CFAP77: variants seen among roughly 807,000 people sequenced by gnomAD.
CFAP77 encodes the protein cilia and flagella associated protein 77, also known as cilia- and flagella-associated protein 77.
CFAP77 carries 25 observed loss-of-function variants against 31.1 expected under a neutral mutation model. The ratio of observed to expected loss-of-function variants is 0.80; its 90% confidence interval spans 0.59 to 1.12. The LOEUF is 1.12. Ranked by LOEUF, CFAP77 falls within the 50% of genes most tolerant of loss-of-function variation. The pLI is 0.00. For synonymous variants in CFAP77, 151 were observed against 159.9 expected (o/e 0.94, Z 0.42); for missense variants, 377 against 397.3 (o/e 0.95, Z 0.44).
chr9:132,562,193 T>C (rs1829823027), intron 5 of CFAP77, among the ~76,000 whole-genome samples: 1 of 152,218 alleles, frequency 6.6e-6, no homozygotes, highest in Non-Finnish European at 1.5e-5. Context: ...CTTTCTAAAC[T>C]GTGTGTGGCA....
At chr9:132,449,547 A>G (rs1197202500) in intron 1 of CFAP77, among the ~76,000 whole-genome samples, 1 of 151,898 alleles carries the variant, frequency 6.6e-6, no homozygotes, top group Non-Finnish European at 1.5e-5. Flanking sequence ...GAAGTTTTCC[A>G]TCATATGGGC....
chr9:132,569,728 C>CTTTTTTTTTT (rs558402201), intron 5 of CFAP77, among the ~76,000 whole-genome samples: 1 of 98,474 alleles, frequency 1.0e-5, no homozygotes, highest in Non-Finnish European at 1.9e-5. Context: ...TCTAGCTGCC[C>CTTTTTTTTTT]TTTTTTTTTT....
chr9:132,466,992 A>G (rs1380392583), intron 1 of CFAP77, among the ~76,000 whole-genome samples: 2 of 152,176 alleles, frequency 1.3e-5, no homozygotes, highest in African/African-American at 4.8e-5. Context: ...AGCCCGGACA[A>G]CATGGTGAAA....
chr9:132,571,355 C>T (rs911369112), intron 5 of CFAP77, among the ~76,000 whole-genome samples: 4 of 152,138 alleles, frequency 2.6e-5, no homozygotes, highest in African/African-American at 4.8e-5. Flanking sequence ...CCCAACCCAT[C>T]CTTCGAGACC....
intron 1 of CFAP77, among the ~76,000 whole-genome samples, chr9:132,447,696 G>A (rs755937624): frequency 2.0e-5 from 3 of 152,354 alleles, no homozygotes; most frequent in Admixed American, 6.5e-5. Flanking sequence ...AGCGGCAAAC[G>A]CGGGGACTTC....
intron 1 of CFAP77, among the ~76,000 whole-genome samples, chr9:132,458,875 G>GA (rs1305190355): frequency 6.6e-6 from 1 of 152,042 alleles, no homozygotes; most frequent in African/African-American, 2.4e-5. Context: ...ATAAAAGGGT[G>GA]AAAAAAGCAT....
intron 1 of CFAP77, among the ~76,000 whole-genome samples, chr9:132,437,572 C>T (rs1192960925): frequency 2.8e-5 from 4 of 145,426 alleles, no homozygotes; most frequent in Admixed American, 7.0e-5. Context: ...AGCAGTGACG[C>T]GATCTCGGCT....
intron 1 of CFAP77, among the ~76,000 whole-genome samples, chr9:132,412,056 C>T (rs1391896993): frequency 6.6e-6 from 1 of 152,232 alleles, no homozygotes; most frequent in Non-Finnish European, 1.5e-5. Context: ...TCCCCCGCCC[C>T]ACCCAGCTAT....
chr9:132,418,416 C>T (rs1376862993), intron 1 of CFAP77, among the ~76,000 whole-genome samples: 5 of 152,210 alleles, frequency 3.3e-5, no homozygotes, highest in Non-Finnish European at 7.4e-5. Context: ...ATAAAGGAGA[C>T]GTGGGAACTT....
intron 4 of CFAP77, among the ~76,000 whole-genome samples, chr9:132,542,353 T>C (rs911901511): frequency 6.6e-6 from 1 of 152,344 alleles, no homozygotes. Flanking sequence ...TTACGAGCTA[T>C]GTGGCTCTAA....
In CFAP77 at chr9:132,417,891, C is replaced by CT. The variant is rs1850133707; in HGVS notation, c.195+7427dup. Among the ~76,000 whole-genome samples the CT allele has an allele frequency of 7.9e-5, 12 of 152,314 alleles. No individual in the cohort carries two copies. The South Asian group carries it at 1.7e-3, about 21-fold the overall frequency. On this transcript the variant is annotated intron_variant, in intron 1 of 5. Coordinates refer to ENST00000393216, the MANE Select transcript of CFAP77 (RefSeq NM_001282957.2). ...CCACCCAAGTGCTTACATTTTCCCC[C>CT]TTCTGCTCTCACTGAAAAATACTGT...
intron 1 of CFAP77, among the ~76,000 whole-genome samples, chr9:132,417,734 G>A (rs1449533114): frequency 1.3e-5 from 2 of 152,194 alleles, no homozygotes; most frequent in East Asian, 1.9e-4. Flanking sequence ...TAATAAGTGA[G>A]CATTTTGTTA....
intron 3 of CFAP77, among the ~76,000 whole-genome samples, chr9:132,514,727 G>C (rs751376969): frequency 1.3e-5 from 2 of 152,312 alleles, no homozygotes; most frequent in African/African-American, 4.8e-5. Flanking sequence ...GCCTCCCGGC[G>C]TCATTAGCTT....
rs1462567946 is a variant in CFAP77 at position 132,565,437 on chromosome 9, C to A, written c.733-6951C>A. 3.9e-5 allele frequency among the ~76,000 whole-genome samples: 6 copies of A among 152,012 alleles called. No homozygotes were observed. Among genetic ancestry groups the A allele is most frequent in the African/African-American group, 1.4e-4 (6 of 41,386 alleles). On this transcript the variant is annotated intron_variant, in intron 5 of 5. Coordinates refer to ENST00000393216, the MANE Select transcript of CFAP77 (RefSeq NM_001282957.2). The surrounding 1 kb of genome is among the most constrained non-coding windows in gnomAD (Gnocchi z 4.1). ...CTGAGGTCAGGAGTTCCAGAGCAGC[C>A]TGGCTAACATGGTAAAACCCCGTCT...
At chr9:132,428,311 G>C (rs1483260879) in intron 1 of CFAP77, among the ~76,000 whole-genome samples, 6 of 151,548 alleles carry the variant, frequency 4.0e-5, no homozygotes, top group African/African-American at 1.2e-4. Context: ...CGCCCAGCCA[G>C]AGCATTAGAT....
At chr9:132,559,320 G>A (rs1852956254) in intron 5 of CFAP77, among the ~76,000 whole-genome samples, 1 of 123,376 alleles carries the variant, frequency 8.1e-6, no homozygotes. Context: ...ACTCCAGCCT[G>A]CGCGTCAGAG....
At chr9:132,436,547 T>G (rs994688718) in intron 1 of CFAP77, among the ~76,000 whole-genome samples, 2 of 152,218 alleles carry the variant, frequency 1.3e-5, no homozygotes, top group Admixed American at 6.5e-5. Flanking sequence ...CATTTTTCAC[T>G]CTTGCTTCAA....
chr9:132,487,073 T>C (rs1269616790), intron 1 of CFAP77, among the ~76,000 whole-genome samples: 1 of 152,186 alleles, frequency 6.6e-6, no homozygotes, highest in East Asian at 1.9e-4. Flanking sequence ...CTCCCCACGG[T>C]CCGCGGCTCC....
chr9:132,450,275 C>CA (rs112875395), intron 1 of CFAP77, among the ~76,000 whole-genome samples: 2,917 of 95,352 alleles, frequency 0.031, 69 homozygotes, highest in African/African-American at 0.098. Flanking sequence ...ATATTCCAGG[C>CA]AAAAAAAAAA....
Sources: allele counts gnomAD v4.1 joint callset (sites outside exome capture counted in the v4.1 genomes callset), GRCh38; gene constraint gnomAD v4.1.1; non-coding constraint Gnocchi (gnomAD v3.1); transcripts MANE v1.5; gene names NCBI Gene and HGNC (gene_info 2026-07-23, HGNC 2026-07-21).